Variants in SEC22C observed in about 807,000 individuals in gnomAD.
The protein encoded by SEC22C is vesicle-trafficking protein SEC22c.
Under a neutral mutation model 34.7 loss-of-function variants are expected in SEC22C, and 29 were observed. The observed-to-expected ratio is 0.84, with a 90% CI of 0.62 to 1.14. SEC22C has a LOEUF of 1.14. SEC22C is among the 50% of genes most tolerant of loss of function. The pLI is 0.00. For missense variants in SEC22C, 337 were observed against 369.0 expected, an observed-to-expected ratio of 0.91 and a Z score of 0.71; for synonymous variants, 117 against 132.8, an observed-to-expected ratio of 0.88 and a Z score of 0.82.
intron 1 of SEC22C, among the ~76,000 whole-genome samples, chr3:42,578,700 A>G (rs1704125562): frequency 6.6e-6 from 1 of 152,204 alleles, no homozygotes; most frequent in Admixed American, 6.5e-5. Context: ...TGCAACTATA[A>G]TTATCTTAAA....
At position 42,549,013 on chromosome 3, in the gene SEC22C, C is replaced by T. The variant is rs1367118619; in HGVS notation, c.*4235G>A. ...GATGAGGAAACTGAGGCCTGATGGGCAGTGATTTGTGCACTGCGACATAGG... is the reference window on the plus strand; with the variant it reads ...GATGAGGAAACTGAGGCCTGATGGGTAGTGATTTGTGCACTGCGACATAGG... On this transcript the variant is annotated 3_prime_UTR_variant, in exon 7 of 7. Coordinates refer to ENST00000264454, the MANE Select transcript of SEC22C (RefSeq NM_032970.4). The T allele has an allele frequency of 2.0e-6, 2 of 1,024,428 alleles. No individual in the cohort carries two copies. The highest frequency in any genetic ancestry group is 2.4e-6 in the Non-Finnish European group (2 of 840,346). The allele number at this position is 1,024,428 out of a possible 1,614,324, so 63.5% of individuals were successfully genotyped here.
intron 1 of SEC22C, chr3:42,591,580 G>T: frequency 2.5e-6 from 4 of 1,613,906 alleles, no homozygotes; most frequent in Non-Finnish European, 3.4e-6. Context: ...CAGAACAAGG[G>T]CCGCGGGAAC....
intron 1 of SEC22C, among the ~76,000 whole-genome samples, chr3:42,591,810 T>C (rs1317873289): frequency 2.0e-5 from 3 of 152,326 alleles, no homozygotes; most frequent in South Asian, 2.1e-4. Context: ...TGGCTCTTTC[T>C]TCAAAATGTG....
At chr3:42,569,442 A>G (rs2125713521) in intron 1 of SEC22C, among the ~76,000 whole-genome samples, 1 of 152,334 alleles carries the variant, frequency 6.6e-6, no homozygotes, top group Admixed American at 6.5e-5. Context: ...ACAGCCCTAA[A>G]GAGACAGGAA....
intron 1 of SEC22C, among the ~76,000 whole-genome samples, chr3:42,592,066 G>C (rs756352125): frequency 1.3e-5 from 2 of 152,104 alleles, no homozygotes; most frequent in African/African-American, 2.4e-5. Flanking sequence ...ACAAACAAAG[G>C]ATTTACAAGT....
chr3:42,594,672 C>G, intron 1 of SEC22C: 2 of 561,894 alleles, frequency 3.6e-6, no homozygotes, highest in Non-Finnish European at 6.3e-6. Flanking sequence ...GTGAAGAAAG[C>G]TACTAACTTA....
At chr3:42,577,146 C>G (rs1180862760) in intron 1 of SEC22C, among the ~76,000 whole-genome samples, 1 of 151,950 alleles carries the variant, frequency 6.6e-6, no homozygotes, top group African/African-American at 2.4e-5. Context: ...AAAAATAAAA[C>G]TATAAAACTG....
At chr3:42,561,445 A>G in intron 3 of SEC22C, 149 bp from the exon 4 acceptor site, 1 of 736,112 alleles carries the variant, frequency 1.4e-6, no homozygotes, top group South Asian at 1.8e-5. Context: ...GTGCGATCAC[A>G]ACTCACTGCA....
In SEC22C at chr3:42,550,042, G is replaced by T. The variant is rs975318016; in HGVS notation, c.*3206C>A. 1 of 985,336 alleles carries T rather than the reference G, an allele frequency of 1.0e-6. No homozygotes were observed. Among genetic ancestry groups the T allele is most frequent in the African/African-American group, 1.7e-5 (1 of 57,246 alleles). The allele number at this position is 985,336 out of a possible 1,614,324, so 61.0% of individuals were successfully genotyped here. A position where few individuals can be genotyped will look rare whatever the true frequency, so the allele number is the denominator to read the frequency against. On this transcript the variant is annotated 3_prime_UTR_variant, in exon 7 of 7. Coordinates refer to ENST00000264454, the MANE Select transcript of SEC22C (RefSeq NM_032970.4). ...TCACAGTAAGACTAGCCTAACAGGG[G>T]AAAACAGATTTACATGTTTCGTTCA...
chr3:42,556,135 T>TG, intron 5 of SEC22C, 140 bp from the exon 6 acceptor site: 1 of 649,578 alleles, frequency 1.5e-6, no homozygotes, highest in Non-Finnish European at 2.7e-6. Flanking sequence ...AAGTTCCTGT[T>TG]TATGCACCAG....
intron 1 of SEC22C, among the ~76,000 whole-genome samples, chr3:42,587,099 C>G (rs1346493386): frequency 1.3e-5 from 2 of 152,226 alleles, no homozygotes; most frequent in Non-Finnish European, 1.5e-5. Context: ...CTCTGGCCTG[C>G]ATGCTTGTAG....
chr3:42,594,452 T>G, intron 1 of SEC22C: 3 of 1,613,962 alleles, frequency 1.9e-6, no homozygotes, highest in Non-Finnish European at 2.5e-6. Flanking sequence ...GAAATCTCAT[T>G]TATTTGGCTA....
At chr3:42,590,899 T>C in intron 1 of SEC22C, 2 of 1,479,116 alleles carry the variant, frequency 1.4e-6, no homozygotes, top group Non-Finnish European at 1.8e-6. Flanking sequence ...TTCCTCGGGA[T>C]GTCGGTGGCC....
intron 1 of SEC22C, chr3:42,591,259 G>C: frequency 3.4e-6 from 2 of 586,318 alleles, no homozygotes; most frequent in Non-Finnish European, 6.0e-6. Flanking sequence ...GAGTGCAGTG[G>C]TGCATCTTGG....
At chr3:42,593,206 A>C (rs1704913706) in intron 1 of SEC22C, among the ~76,000 whole-genome samples, 1 of 152,152 alleles carries the variant, frequency 6.6e-6, no homozygotes, top group Non-Finnish European at 1.5e-5. Flanking sequence ...TGAGGTCAGG[A>C]GTTCAATACC....
rs575628202 is a variant in SEC22C, at chr3:42,587,944, A to G, written c.-28+13016T>C. On this transcript the variant is annotated intron_variant, in intron 1 of 6. Coordinates refer to the SEC22C transcript ENST00000417572. ...CAAAATTAGCTGGGCGTGGTGGTGC[A>G]TGCCTGTAATCCTGGCCACTTGGGA... Among the ~76,000 whole-genome samples the G allele has an allele frequency of 4.6e-4, 69 of 150,984 alleles. No individual in the cohort carries two copies. In the East Asian group the frequency reaches 0.012, roughly 27 times the overall value.
chr3:42,589,771 A>G (rs1184388308), intron 1 of SEC22C, among the ~76,000 whole-genome samples: 5 of 152,208 alleles, frequency 3.3e-5, no homozygotes, highest in Non-Finnish European at 4.4e-5. Flanking sequence ...CGTGGAAGAC[A>G]AGAAAAATTG....
intron 2 of SEC22C, among the ~76,000 whole-genome samples, chr3:42,564,872 C>T (rs1296124509): frequency 1.3e-5 from 2 of 152,216 alleles, no homozygotes; most frequent in Non-Finnish European, 2.9e-5. Flanking sequence ...ATCCTCCCAC[C>T]TCAGCCTCCC....
chr3:42,561,142 A>G lies in SEC22C; in HGVS notation c.501T>C (p.Gly167=). 6.2e-7 allele frequency: 1 copy of G among 1,614,160 alleles called. No homozygotes were observed. Among genetic ancestry groups the G allele is most frequent in the Non-Finnish European group, 8.5e-7 (1 of 1,180,016 alleles). Residue 167 remains glycine, a synonymous_variant, in exon 4 of 7, where the codon GGT becomes GGC. Transcript: ENST00000264454. The part of the protein sequence containing the change: ...DTDVANGVMN[G]HTPMHLEPAP... Reference sequence around the variant, plus strand: ...CAGGCTCCAAGTGCATCGGTGTGTGACCATTCATCACCCCATTTGCCACAT... The same window carrying G: ...CAGGCTCCAAGTGCATCGGTGTGTGGCCATTCATCACCCCATTTGCCACAT...
Sources: allele counts gnomAD v4.1 joint callset (sites outside exome capture counted in the v4.1 genomes callset), GRCh38; gene constraint gnomAD v4.1.1; transcripts MANE v1.5; gene names NCBI Gene and HGNC (gene_info 2026-07-23, HGNC 2026-07-21).